Variants in DOCK3 observed in about 807,000 individuals in gnomAD.
DOCK3 encodes dedicator of cytokinesis protein 3.
DOCK3 carries 60 observed loss-of-function variants against 265.6 expected under a neutral mutation model. The ratio of observed to expected loss-of-function variants is 0.23; its 90% CI spans 0.18 to 0.28. DOCK3 has a LOEUF of 0.28. Ranked by LOEUF, DOCK3 falls within the 10% of genes least tolerant of loss-of-function variation. DOCK3 has a pLI of 1.00. For missense variants in DOCK3, 1,981 were observed against 2,594.3 expected, an observed-to-expected ratio of 0.76 and a Z score of 5.14; for synonymous variants, 881 against 938.0, an observed-to-expected ratio of 0.94 and a Z score of 1.11.
chr3:51,236,481 T>C, intron 20 of DOCK3, 53 bp downstream of exon 20: 1 of 1,515,046 alleles, frequency 6.6e-7, no homozygotes. Context: ...GTCATATATT[T>C]CAGAAAATTT....
chr3:51,250,412 A>G (rs1349267411), intron 22 of DOCK3, among the ~76,000 whole-genome samples: 1 of 152,210 alleles, frequency 6.6e-6, no homozygotes, highest in Non-Finnish European at 1.5e-5. Context: ...TGAGGTCAGG[A>G]GTTCAAGACC....
At chr3:51,112,135 G>A (rs2083547959) in intron 9 of DOCK3, among the ~76,000 whole-genome samples, 1 of 152,162 alleles carries the variant, frequency 6.6e-6, no homozygotes, top group Non-Finnish European at 1.5e-5. Flanking sequence ...TTCAACCATT[G>A]TGGAAAGTAG....
intron 22 of DOCK3, among the ~76,000 whole-genome samples, chr3:51,248,692 C>G (rs1173190469): frequency 6.6e-6 from 1 of 151,764 alleles, no homozygotes; most frequent in African/African-American, 2.4e-5. Flanking sequence ...CCTGGCTGCC[C>G]AGTCTGGAAA....
rs2047279679 is a variant in DOCK3, at chr3:50,868,910, T to TG, written c.163-21116_163-21115insG. ...TTTATTTGGATAATCTGTTTTTTTT[T>TG]TTTTTTTTTTTTTTTTGGTCTGACT... On this transcript the variant is annotated intron_variant, in intron 3 of 52. Coordinates refer to ENST00000266037, the MANE Select transcript of DOCK3 (RefSeq NM_004947.5). Among the ~76,000 whole-genome samples the TG allele has an allele frequency of 2.0e-5, 3 of 147,410 alleles. 1 individual carries two copies. The South Asian group carries it at 6.4e-4, about 31-fold the overall frequency.
At chr3:51,202,311 T>C (rs1327533683) in intron 12 of DOCK3, among the ~76,000 whole-genome samples, 3 of 150,314 alleles carry the variant, frequency 2.0e-5, no homozygotes, top group Non-Finnish European at 4.4e-5. Context: ...ATCAAATAGA[T>C]GCAATAAAAA....
At chr3:50,840,075 T>C (rs2045743398) in intron 2 of DOCK3, among the ~76,000 whole-genome samples, 1 of 151,964 alleles carries the variant, frequency 6.6e-6, no homozygotes, top group African/African-American at 2.4e-5. Flanking sequence ...CCGGGCTGTT[T>C]ATTTTCTTAT....
Position 50,821,204 on chromosome 3 carries a change from A to G in DOCK3, c.122-20471A>G, listed in dbSNP as rs146147734. 1.8e-3 allele frequency among the ~76,000 whole-genome samples: 258 copies of G among 143,274 alleles called. 2 individuals carry two copies. Among genetic ancestry groups the G allele is most frequent in the South Asian group, 6.3e-3 (29 of 4,596 alleles). The allele number at this position is 143,274 out of a possible 152,430, so 94.0% of individuals were successfully genotyped here. On this transcript the variant is annotated intron_variant, in intron 2 of 52. Coordinates refer to ENST00000266037, the MANE Select transcript of DOCK3 (RefSeq NM_004947.5). ...TAATTTAATTAGGTCCCACTTGTCA[A>G]TTGTTTTTGTTGCAGTTGCTTTGGA...
At chr3:51,368,904 C>T (rs553430812) in intron 49 of DOCK3, among the ~76,000 whole-genome samples, 76 of 152,330 alleles carry the variant, frequency 5.0e-4, no homozygotes, top group Admixed American at 3.9e-4. Context: ...CTGCAGCGTC[C>T]ACTGTTGATA....
chr3:51,086,401 TGGCCAGTTTTGG>T (rs2082430383), intron 7 of DOCK3, among the ~76,000 whole-genome samples: 1 of 152,252 alleles, frequency 6.6e-6, no homozygotes, highest in South Asian at 2.1e-4. Flanking sequence ...ATTTTGTTTA[TGGCCAGTTTTGG>T]GGCCAGTTTA....
intron 35 of DOCK3, among the ~76,000 whole-genome samples, chr3:51,333,875 G>A (rs1323409789): frequency 6.7e-6 from 1 of 149,878 alleles, no homozygotes; most frequent in Admixed American, 6.6e-5. Context: ...TTTTGAGATA[G>A]TCTTGCTTTG....
chr3:51,195,638 A>C (rs2088244001), intron 12 of DOCK3, among the ~76,000 whole-genome samples: 1 of 151,944 alleles, frequency 6.6e-6, no homozygotes, highest in African/African-American at 2.4e-5. Flanking sequence ...GGCTAGTCTC[A>C]AACTCCTGAC....
intron 37 of DOCK3, among the ~76,000 whole-genome samples, chr3:51,339,922 C>A (rs2085128838): frequency 1.3e-5 from 2 of 152,108 alleles, no homozygotes; most frequent in Admixed American, 1.3e-4. Flanking sequence ...TATCTCTAGC[C>A]GTTAGAGAGT....
At chr3:50,731,506 A>C (rs117044879) in intron 1 of DOCK3, among the ~76,000 whole-genome samples, 3 of 152,130 alleles carry the variant, frequency 2.0e-5, no homozygotes, top group Admixed American at 2.0e-4. Flanking sequence ...TATATGAGAA[A>C]TCTCTATACC....
chr3:51,202,560 T>A (rs1390941513), intron 12 of DOCK3, among the ~76,000 whole-genome samples: 1 of 152,052 alleles, frequency 6.6e-6, no homozygotes, highest in African/African-American at 2.4e-5. Flanking sequence ...CAGGACCAGA[T>A]GGATTCACAG....
intron 27 of DOCK3, among the ~76,000 whole-genome samples, chr3:51,290,972 G>A (rs1047756919): frequency 1.3e-5 from 2 of 152,162 alleles, no homozygotes; most frequent in East Asian, 1.9e-4. Flanking sequence ...CAGGTACTTG[G>A]GAGGCTGAGG....
At chr3:51,112,339 AG>A (rs2109850492) in intron 9 of DOCK3, among the ~76,000 whole-genome samples, 1 of 152,334 alleles carries the variant, frequency 6.6e-6, no homozygotes, top group Non-Finnish European at 1.5e-5. Context: ...CAGACTCAAA[AG>A]GATACATATT....
intron 9 of DOCK3, among the ~76,000 whole-genome samples, chr3:51,100,048 TAAAG>T (rs10662173): frequency 1.9e-4 from 29 of 151,288 alleles, no homozygotes; most frequent in African/African-American, 6.1e-4. Flanking sequence ...AAAAACTAGA[TAAAG>T]AAAGAAAGAA....
intron 5 of DOCK3, among the ~76,000 whole-genome samples, chr3:51,054,121 T>TAAAAA (rs35733959): frequency 3.5e-5 from 3 of 85,008 alleles, no homozygotes; most frequent in African/African-American, 8.7e-5. Context: ...CGTAGCTTCC[T>TAAAAA]AAAAAAAAAA....
At chr3:51,027,981 T>C (rs1339034067) in intron 5 of DOCK3, among the ~76,000 whole-genome samples, 1 of 152,148 alleles carries the variant, frequency 6.6e-6, no homozygotes, top group Non-Finnish European at 1.5e-5. Context: ...GTCATAGTGT[T>C]GTTAGCTAGT....
Sources: allele counts gnomAD v4.1 joint callset (sites outside exome capture counted in the v4.1 genomes callset), GRCh38; gene constraint gnomAD v4.1.1; transcripts MANE v1.5; gene names NCBI Gene and HGNC (gene_info 2026-07-23, HGNC 2026-07-21).